SSH2: variants seen among roughly 807,000 people sequenced by gnomAD.
SSH2 encodes slingshot protein phosphatase 2.
In SSH2, 37 loss-of-function variants were observed where a neutral mutation model predicts 135.2. The ratio of observed to expected loss-of-function variants is 0.27; its 90% CI spans 0.21 to 0.36. The LOEUF (loss-of-function observed/expected upper bound fraction) is 0.36. SSH2 is among the 10% of genes least tolerant of loss of function. SSH2 has a pLI of 1.00. For missense variants in SSH2, 1,408 were observed against 1,765.3 expected (o/e 0.80, Z 3.63); for synonymous variants, 628 against 646.2 (o/e 0.97, Z 0.43).
chr17:29,820,344 T>C (rs1466048896), intron 2 of SSH2, among the ~76,000 whole-genome samples: 1 of 152,194 alleles, frequency 6.6e-6, no homozygotes, highest in Non-Finnish European at 1.5e-5. Context: ...CTCTTAACAC[T>C]CTAAGATTCT....
Position 29,916,459 on chromosome 17 carries a change from T to C in SSH2, c.63+13479A>G, listed in dbSNP as rs141601966. Among the ~76,000 whole-genome samples the C allele has an allele frequency of 7.7e-3, 1,177 of 152,008 alleles. 11 individuals are homozygous for C. Among genetic ancestry groups the C allele is most frequent in the African/African-American group, 0.023 (973 of 41,444 alleles). The stretch of plus-strand genomic sequence containing the variant: ...ACTGCATCATGTTGTTAAAGATTTT[T>C]TTTTTCTTTCTTTTTTTTTTTTTTT... On this transcript the variant is annotated intron_variant, in intron 1 of 15. Coordinates refer to ENST00000540801, the MANE Select transcript of SSH2 (RefSeq NM_001282129.2).
intron 2 of SSH2, among the ~76,000 whole-genome samples, chr17:29,843,775 C>T (rs931823574): frequency 8.5e-5 from 13 of 152,126 alleles, no homozygotes; most frequent in Non-Finnish European, 1.8e-4. Flanking sequence ...TTAGGGTTTA[C>T]CCTAATGTTG....
chr17:29,751,286 A>G (rs2040932037), intron 3 of SSH2, among the ~76,000 whole-genome samples: 1 of 152,120 alleles, frequency 6.6e-6, no homozygotes, highest in Admixed American at 6.6e-5. Context: ...GTGGTGGTGC[A>G]TGCCTCTAAT....
intron 3 of SSH2, chr17:29,761,321 C>G (rs1410940888): frequency 8.4e-7 from 1 of 1,196,014 alleles, no homozygotes; most frequent in Non-Finnish European, 1.1e-6. Flanking sequence ...GGCCTCTGCT[C>G]TGCTCCGGCA....
rs2038584088 is a variant in SSH2, at chr17:29,693,545, C to G, written c.357+1914G>C. ...CAGGCTGGTCTTGAACTCCTGACCT[C>G]AAATGATCTGCCCACCTCGGCCTCC... On this transcript the variant is annotated intron_variant, in intron 5 of 15. Coordinates refer to ENST00000540801, the MANE Select transcript of SSH2 (RefSeq NM_001282129.2). 2.6e-5 allele frequency among the ~76,000 whole-genome samples: 4 copies of G among 152,084 alleles called. No homozygotes were observed. In the South Asian group the frequency reaches 8.3e-4, roughly 32 times the overall value.
intron 1 of SSH2, among the ~76,000 whole-genome samples, chr17:29,927,388 C>A (rs1175957713): frequency 6.6e-6 from 1 of 152,110 alleles, no homozygotes; most frequent in Non-Finnish European, 1.5e-5. Flanking sequence ...CTACAATGGT[C>A]ACTCACACCT....
chr17:29,766,181 T>C (rs2041443684), intron 3 of SSH2, among the ~76,000 whole-genome samples: 1 of 151,972 alleles, frequency 6.6e-6, no homozygotes, highest in Non-Finnish European at 1.5e-5. Flanking sequence ...ACCCTGAAGT[T>C]GACAAATGAA....
intron 2 of SSH2, among the ~76,000 whole-genome samples, chr17:29,844,717 T>G (rs982914654): frequency 6.6e-6 from 1 of 152,210 alleles, no homozygotes; most frequent in Non-Finnish European, 1.5e-5. Flanking sequence ...AACAAACCTG[T>G]GCACAGTAGA....
chr17:29,872,582 C>T (rs1217056851), intron 1 of SSH2, among the ~76,000 whole-genome samples: 1 of 151,910 alleles, frequency 6.6e-6, no homozygotes, highest in Non-Finnish European at 1.5e-5. Context: ...CAGCAAGACC[C>T]CCATCTCTAC....
chr17:29,664,108 G>A (rs978867903), intron 11 of SSH2, among the ~76,000 whole-genome samples: 1 of 152,200 alleles, frequency 6.6e-6, no homozygotes, highest in Non-Finnish European at 1.5e-5. Flanking sequence ...GGGGCTGGGC[G>A]CGATGGCTCA....
Position 29,778,366 on chromosome 17 carries a change from G to A in SSH2, c.188+15528C>T, listed in dbSNP as rs540735096. On this transcript the variant is annotated intron_variant, in intron 3 of 15. Coordinates refer to ENST00000540801, the MANE Select transcript of SSH2 (RefSeq NM_001282129.2). Reference sequence around the variant, plus strand: ...CATAAGTCATGTAGCCTGGATGGGCGTGGTAGCTCACGCCTGTAATCCCAT... The same window carrying A: ...CATAAGTCATGTAGCCTGGATGGGCATGGTAGCTCACGCCTGTAATCCCAT... Among the ~76,000 whole-genome samples, 3 of 152,276 alleles carry A rather than the reference G, an allele frequency of 2.0e-5. No homozygotes were observed. In the East Asian group the frequency reaches 5.8e-4, roughly 29 times the overall value.
chr17:29,735,359 A>C (rs538192577), intron 3 of SSH2, among the ~76,000 whole-genome samples: 1 of 152,258 alleles, frequency 6.6e-6, no homozygotes, highest in African/African-American at 2.4e-5. Context: ...AATGAATGGG[A>C]GTTGCACAGG....
chr17:29,652,907 C>T (rs568149497), intron 12 of SSH2, among the ~76,000 whole-genome samples: 40 of 152,296 alleles, frequency 2.6e-4, no homozygotes, highest in African/African-American at 6.5e-4. Flanking sequence ...CTGCCTGCTT[C>T]GGCCTCCCAA....
chr17:29,731,865 A>T (rs1246808662), intron 3 of SSH2, among the ~76,000 whole-genome samples: 1 of 152,172 alleles, frequency 6.6e-6, no homozygotes, highest in Non-Finnish European at 1.5e-5. Flanking sequence ...TTGTTCATTC[A>T]TTGGATCCTT....
intron 1 of SSH2, among the ~76,000 whole-genome samples, chr17:29,906,879 T>C (rs1161295978): frequency 6.6e-6 from 1 of 152,182 alleles, no homozygotes; most frequent in African/African-American, 2.4e-5. Flanking sequence ...CTGGTGAAGT[T>C]GTGGAGAAAA....
At chr17:29,681,192 G>A (rs2037968606) in intron 6 of SSH2, among the ~76,000 whole-genome samples, 1 of 151,532 alleles carries the variant, frequency 6.6e-6, no homozygotes, top group Non-Finnish European at 1.5e-5. Flanking sequence ...AAAATTAGCT[G>A]GGCATGGTGG....
chr17:29,845,224 T>TA (rs1003972247), intron 2 of SSH2, among the ~76,000 whole-genome samples: 2 of 152,230 alleles, frequency 1.3e-5, no homozygotes, highest in African/African-American at 2.4e-5. Context: ...TTCAAATACT[T>TA]ATCAAGATCC....
chr17:29,871,158 C>A (rs2065930714), intron 1 of SSH2, among the ~76,000 whole-genome samples: 1 of 151,602 alleles, frequency 6.6e-6, no homozygotes, highest in Non-Finnish European at 1.5e-5. Flanking sequence ...ATAGGTCTAA[C>A]TTTCTCAGAG....
chr17:29,800,517 A>AATCT (rs1360563989), intron 2 of SSH2, among the ~76,000 whole-genome samples: 14 of 152,226 alleles, frequency 9.2e-5, no homozygotes, highest in Non-Finnish European at 1.0e-4. Context: ...AATGCCAGTC[A>AATCT]ATCTCTTCAA....
Sources: allele counts gnomAD v4.1 joint callset (sites outside exome capture counted in the v4.1 genomes callset), GRCh38; gene constraint gnomAD v4.1.1; transcripts MANE v1.5; gene names NCBI Gene and HGNC (gene_info 2026-07-23, HGNC 2026-07-21).